Variants in GNAT2 observed in about 807,000 individuals in gnomAD.
GNAT2 encodes G protein subunit alpha transducin 2.
In GNAT2, 32 loss-of-function variants were observed where a neutral mutation model predicts 40.9. That is an observed-to-expected ratio of 0.78 (90% confidence interval 0.59 to 1.05). GNAT2 has a LOEUF of 1.05. Among genes scored for constraint, GNAT2 ranks in the 50% least tolerant of loss-of-function variants. The pLI, the probability that GNAT2 is intolerant of heterozygous loss-of-function variation, is 0.00. For synonymous variants in GNAT2, 141 were observed against 157.2 expected, an observed-to-expected ratio of 0.90 and a Z score of 0.77; for missense variants, 355 against 431.5, an observed-to-expected ratio of 0.82 and a Z score of 1.57.
chr1:109,613,519 C>T (rs1004740375), intron 1 of GNAT2: 1 of 160,760 alleles, frequency 6.2e-6, no homozygotes, highest in African/African-American at 2.4e-5. Flanking sequence ...AAGCTACTAG[C>T]ATTGTTCCTT....
chr1:109,603,280 A>G lies in GNAT2; in HGVS notation c.*74T>C. 1.3e-6 allele frequency: 1 copy of G among 792,582 alleles called. No homozygotes were observed. The allele number at this position is 792,582 out of a possible 1,614,324, so 49.1% of individuals were successfully genotyped here. A position where few individuals can be genotyped will look rare whatever the true frequency, so the allele number is the denominator to read the frequency against. On this transcript the variant is annotated 3_prime_UTR_variant, in exon 9 of 9. Transcript: ENST00000679935. ...TCATTCTTCATGTCATGGTATATTG[A>G]CTATAATTTTCTGTTTTTAATTACC... is the stretch of plus-strand genomic sequence containing the variant.
chr1:109,612,827 C>T lies in GNAT2; in HGVS notation c.44G>A (p.Arg15Lys), dbSNP rs1467609475. ...CAGCTTCTTTTCTAGCTCCTTGGAC[C>T]TCTTGGCCAGTTCTTTGTCCTCAGC... ...ASAEDKELAK[R>K]SKELEKKLQE... Residue 15 changes from arginine to lysine, a missense_variant, in exon 2 of 9, where the codon AGG (arginine) becomes AAG (lysine). By Grantham distance (26) the Arg-to-Lys change is conservative (BLOSUM62 2). Coordinates refer to ENST00000679935, the MANE Select transcript of GNAT2 (RefSeq NM_001377295.2). 1 of 1,613,732 alleles carries T rather than the reference C, an allele frequency of 6.2e-7. No homozygotes were observed. The highest frequency in any genetic ancestry group is 8.5e-7 in the Non-Finnish European group (1 of 1,179,674).
At chr1:109,611,179 T>TTA (rs1649781506) in intron 2 of GNAT2, 1 of 27,880 alleles carries the variant, frequency 3.6e-5, no homozygotes, top group Non-Finnish European at 1.1e-4. Context: ...CCCGACTACA[T>TTA]TTTTTTTTTT....
At chr1:109,614,182 C>T (rs1259260760) in intron 1 of GNAT2, 1 of 152,224 alleles carries the variant, frequency 6.6e-6, no homozygotes, top group African/African-American at 2.4e-5. Context: ...TAATCCAGAA[C>T]TTCTGATTCA....
intron 1 of GNAT2, 174 bp from the exon 2 acceptor site, chr1:109,613,097 G>C: frequency 1.8e-6 from 1 of 549,352 alleles, no homozygotes; most frequent in South Asian, 1.9e-5. Flanking sequence ...TTAGTCTAGG[G>C]ATTGTAGCCT....
chr1:109,606,126 AG>A, intron 6 of GNAT2, 27 bp from the exon 7 acceptor site: 1 of 1,613,570 alleles, frequency 6.2e-7, no homozygotes, highest in South Asian at 1.1e-5. Context: ...CTATTTTCAT[AG>A]GTATGCCCAA....
chr1:109,608,947 ATT>A, intron 4 of GNAT2, 159 bp from the exon 5 acceptor site: 1 of 703,508 alleles, frequency 1.4e-6, no homozygotes, highest in Non-Finnish European at 2.5e-6. Flanking sequence ...ATACTGTTGA[ATT>A]TTTGAGTATG....
intron 1 of GNAT2, chr1:109,613,152 C>T: frequency 2.4e-6 from 1 of 417,830 alleles, no homozygotes; most frequent in Non-Finnish European, 4.5e-6. Flanking sequence ...AGAGCTTTGT[C>T]AATATGGCAA....
At chr1:109,604,412 A>T in intron 7 of GNAT2, 1 of 391,716 alleles carries the variant, frequency 2.6e-6, no homozygotes, top group Non-Finnish European at 4.9e-6. Flanking sequence ...AGTGGCTGGC[A>T]TATAGGTCTA....
At chr1:109,607,451 C>CAAAAAAAAAAAAAAAAAAAAAA (rs35202692) in intron 5 of GNAT2, 1 of 126,770 alleles carries the variant, frequency 7.9e-6, no homozygotes, top group African/African-American at 3.3e-5. Context: ...ACTCCGTCTC[C>CAAAAAAAAAAAAAAAAAAAAAA]AAAAAAAAAA....
intron 5 of GNAT2, 87 bp downstream of exon 5, chr1:109,608,544 G>A (rs1649685989): frequency 3.1e-6 from 4 of 1,272,360 alleles, no homozygotes; most frequent in Non-Finnish European, 3.5e-6. Context: ...TGAAATTTTG[G>A]GTTGGGTGAG....
chr1:109,614,703 T>C (rs916042216), intron 1 of GNAT2: 2 of 152,238 alleles, frequency 1.3e-5, no homozygotes, highest in African/African-American at 4.8e-5. Flanking sequence ...CAGTGGCCAG[T>C]TGGGACTGGG....
intron 3 of GNAT2, 34 bp from the exon 4 acceptor site, chr1:109,610,215 C>G: frequency 6.2e-7 from 1 of 1,610,586 alleles, no homozygotes; most frequent in South Asian, 1.1e-5. Flanking sequence ...TTTAGCTGGA[C>G]CTGAGTAACC....
chr1:109,610,251 G>A (rs929253903), intron 3 of GNAT2, 70 bp from the exon 4 acceptor site: 3 of 1,504,844 alleles, frequency 2.0e-6, no homozygotes, highest in Non-Finnish European at 2.8e-6. Context: ...GGAATTTGGG[G>A]GTATTTAAAG....
chr1:109,612,152 C>T, intron 2 of GNAT2: 1 of 167,922 alleles, frequency 6.0e-6, no homozygotes, highest in African/African-American at 2.4e-5. Flanking sequence ...AACCTTCCAT[C>T]TGGCAGGAGC....
chr1:109,618,084 A>G (rs1057250565), intron 1 of GNAT2: 27 of 152,214 alleles, frequency 1.8e-4, no homozygotes, highest in African/African-American at 6.3e-4. Context: ...TATCCCCTTG[A>G]TTATAAAAGT....
At chr1:109,610,210 C>T in intron 3 of GNAT2, 29 bp from the exon 4 acceptor site, 1 of 1,612,786 alleles carries the variant, frequency 6.2e-7, no homozygotes, top group Non-Finnish European at 8.5e-7. Flanking sequence ...CTGTCTTTAG[C>T]TGGACCTGAG....
chr1:109,604,539 C>A (rs764309928), intron 7 of GNAT2: 21 of 194,852 alleles, frequency 1.1e-4, no homozygotes, highest in Non-Finnish European at 2.2e-4. Context: ...TATGCATCTC[C>A]AGGATGATTT....
intron 1 of GNAT2, chr1:109,613,762 T>C (rs1649869125): frequency 6.6e-6 from 1 of 152,222 alleles, no homozygotes; most frequent in African/African-American, 2.4e-5. Context: ...TGCTTCCCTT[T>C]GGCCCACTAA....
Sources: allele counts gnomAD v4.1 joint callset, GRCh38; gene constraint gnomAD v4.1.1; transcripts MANE v1.5; gene names NCBI Gene and HGNC (gene_info 2026-07-23, HGNC 2026-07-21).